MAF: variants seen among roughly 807,000 people sequenced by gnomAD.
MAF encodes transcription factor Maf.
Under a neutral mutation model 22.0 loss-of-function variants are expected in MAF, and 10 were observed. The observed-to-expected ratio is 0.45, with a 90% CI of 0.28 to 0.77. The LOEUF (loss-of-function observed/expected upper bound fraction) is 0.77, where lower values mean the gene tolerates loss of function less well. MAF is among the 30% of genes least tolerant of loss of function. The pLI, the probability that MAF is intolerant of heterozygous loss-of-function variation, is 0.12. For missense variants in MAF, 544 were observed against 548.4 expected, an observed-to-expected ratio of 0.99 and a Z score of 0.08; for synonymous variants, 337 against 255.8, an observed-to-expected ratio of 1.32 and a Z score of -3.03.
chr16:79,469,087 C>T, the MAF span, among the ~76,000 whole-genome samples: 1 of 152,134 alleles, frequency 6.6e-6, no homozygotes, highest in South Asian at 2.1e-4. Context: ...GCCCAAGGGC[C>T]CAACTCATGC....
the MAF span, among the ~76,000 whole-genome samples, chr16:79,456,363 C>G: frequency 6.6e-6 from 1 of 152,264 alleles, no homozygotes; most frequent in East Asian, 1.9e-4. Context: ...ATTGTCAGAC[C>G]AGTGTTTTAT....
the MAF span, among the ~76,000 whole-genome samples, chr16:79,420,316 A>C: frequency 6.6e-6 from 1 of 152,112 alleles, no homozygotes; most frequent in African/African-American, 2.4e-5. Flanking sequence ...CAGGGCACCC[A>C]CTCCAGGCAG....
the MAF span, among the ~76,000 whole-genome samples, chr16:79,569,882 C>T: frequency 6.6e-6 from 1 of 152,150 alleles, no homozygotes; most frequent in Non-Finnish European, 1.5e-5. Context: ...AAGTTAAATA[C>T]AAACAATTGA....
chr16:79,449,411 A>C, the MAF span, among the ~76,000 whole-genome samples: 7 of 152,190 alleles, frequency 4.6e-5, 1 homozygote, highest in South Asian at 1.4e-3. Flanking sequence ...TATTTGCTTT[A>C]TTGTGGTGGT....
the MAF span, among the ~76,000 whole-genome samples, chr16:79,295,386 A>C: frequency 1.3e-5 from 2 of 152,330 alleles, no homozygotes; most frequent in Non-Finnish European, 2.9e-5. Flanking sequence ...TGGAGCGAAA[A>C]GGGAAAGTGA....
At chr16:79,533,666 TA>T in the MAF span, among the ~76,000 whole-genome samples, 817 of 152,238 alleles carry the variant, frequency 5.4e-3, 9 homozygotes, top group African/African-American at 0.018. Context: ...GAAAGTCTGC[TA>T]GGGGGGAAAA....
At chr16:79,531,857 G>T in the MAF span, among the ~76,000 whole-genome samples, 1 of 151,744 alleles carries the variant, frequency 6.6e-6, no homozygotes, top group Non-Finnish European at 1.5e-5. Context: ...TGCTTGAAAA[G>T]ATTAGAAAAT....
At chr16:79,462,631 A>T in the MAF span, among the ~76,000 whole-genome samples, 1 of 152,200 alleles carries the variant, frequency 6.6e-6, no homozygotes, top group Non-Finnish European at 1.5e-5. Context: ...GTTCACACAC[A>T]TGTATACAAA....
At chr16:79,399,692 A>G in the MAF span, among the ~76,000 whole-genome samples, 1 of 152,196 alleles carries the variant, frequency 6.6e-6, no homozygotes, top group African/African-American at 2.4e-5. Context: ...TAAGAAACAT[A>G]ACCGAGATCA....
the MAF span, among the ~76,000 whole-genome samples, chr16:79,517,498 T>C: frequency 2.0e-5 from 3 of 151,968 alleles, no homozygotes; most frequent in Non-Finnish European, 4.4e-5. Context: ...ATTCCAGTCT[T>C]TCAAATCCAG....
chr16:79,274,775 G>T, the MAF span, among the ~76,000 whole-genome samples: 1 of 152,166 alleles, frequency 6.6e-6, no homozygotes. Context: ...CAGTGCAAGG[G>T]GTCAAGGCTG....
chr16:79,318,970 T>C, the MAF span, among the ~76,000 whole-genome samples: 5 of 150,824 alleles, frequency 3.3e-5, no homozygotes, highest in African/African-American at 1.0e-4. Flanking sequence ...CACACACAAA[T>C]TGAGAGGCAA....
At chr16:79,451,709 T>A in the MAF span, among the ~76,000 whole-genome samples, 2 of 152,134 alleles carry the variant, frequency 1.3e-5, no homozygotes, top group African/African-American at 4.8e-5. Flanking sequence ...TGAAAAAAAA[T>A]ACCCAAACAA....
chr16:79,530,413 T>C, the MAF span, among the ~76,000 whole-genome samples: 3 of 152,094 alleles, frequency 2.0e-5, no homozygotes, highest in Non-Finnish European at 4.4e-5. Flanking sequence ...GAAAGAGATG[T>C]AAATATTGGG....
At chr16:79,212,061 T>G in the MAF span, 1 of 1,536,454 alleles carries the variant, frequency 6.5e-7, no homozygotes, top group Non-Finnish European at 8.7e-7. Flanking sequence ...AAAACCTGCT[T>G]GGTGTGTAGG....
the MAF span, among the ~76,000 whole-genome samples, chr16:79,335,868 G>A: frequency 6.6e-6 from 1 of 152,210 alleles, no homozygotes; most frequent in African/African-American, 2.4e-5. Context: ...CGAAGAGACA[G>A]CCCGGTGAGG....
chr16:79,223,197 C>A, the MAF span, among the ~76,000 whole-genome samples: 1 of 152,200 alleles, frequency 6.6e-6, no homozygotes, highest in Admixed American at 6.5e-5. Context: ...TATTAGAACT[C>A]AGGATTAAGA....
At chr16:79,298,686 G>T in the MAF span, among the ~76,000 whole-genome samples, 2 of 152,206 alleles carry the variant, frequency 1.3e-5, no homozygotes, top group African/African-American at 4.8e-5. Context: ...AGGTCATGAG[G>T]TGGCATGGAG....
the MAF span, among the ~76,000 whole-genome samples, chr16:79,391,887 GAGGAGGAGGAGC>G: frequency 0.3 from 44,098 of 145,022 alleles, 8,211 homozygotes; most frequent in Non-Finnish European, 0.43. Context: ...GGAGGAGGAG[GAGGAGGAGGAGC>G]AGGAGGAGGA....
Sources: allele counts gnomAD v4.1 joint callset (sites outside exome capture counted in the v4.1 genomes callset), GRCh38; gene constraint gnomAD v4.1.1; transcripts MANE v1.5; gene names NCBI Gene and HGNC (gene_info 2026-07-23, HGNC 2026-07-21).